PIK3R1: variants seen among roughly 807,000 people sequenced by gnomAD.
PIK3R1 encodes the protein phosphatidylinositol 3-kinase regulatory subunit alpha.
PIK3R1 carries 29 observed loss-of-function variants against 98.0 expected under a neutral mutation model. The observed-to-expected ratio is 0.30, with a 90% CI of 0.22 to 0.40. The LOEUF is 0.40. Ranked by LOEUF, PIK3R1 falls within the 10% of genes least tolerant of loss-of-function variation. The probability of loss-of-function intolerance (pLI) is 1.00; values close to 1 mark genes in which losing one functional copy is unlikely to be tolerated. For missense variants in PIK3R1, 596 were observed against 872.7 expected, an observed-to-expected ratio of 0.68 and a Z score of 3.99; for synonymous variants, 282 against 311.8, an observed-to-expected ratio of 0.90 and a Z score of 1.01.
At chr5:68,262,370 C>G (rs1291106559) in intron 2 of PIK3R1, among the ~76,000 whole-genome samples, 1 of 134,758 alleles carries the variant, frequency 7.4e-6, no homozygotes, top group Non-Finnish European at 1.6e-5. Context: ...CATGACCAGG[C>G]TTCTTTCTAT....
intron 11 of PIK3R1, 73 bp from the exon 12 acceptor site, chr5:68,294,463 T>G (rs1317470426): frequency 6.2e-6 from 7 of 1,120,054 alleles, no homozygotes; most frequent in Non-Finnish European, 8.9e-6. Flanking sequence ...AGATCAAATG[T>G]CCTGGTAGTG....
At chr5:68,295,602 G>A in intron 14 of PIK3R1, 114 bp downstream of exon 14, 1 of 882,098 alleles carries the variant, frequency 1.1e-6, no homozygotes, top group Non-Finnish European at 1.9e-6. Context: ...GGAACATCTT[G>A]TAGGAGAAAA....
At chr5:68,289,735 G>A (rs997432835) in intron 7 of PIK3R1, among the ~76,000 whole-genome samples, 1 of 123,920 alleles carries the variant, frequency 8.1e-6, no homozygotes, top group Non-Finnish European at 1.6e-5. Context: ...CCGGAGTGAG[G>A]CATTTGAGAT....
chr5:68,282,085 C>T (rs1421873540), intron 7 of PIK3R1, among the ~76,000 whole-genome samples: 3 of 152,140 alleles, frequency 2.0e-5, no homozygotes, highest in African/African-American at 4.8e-5. Flanking sequence ...GAGAGGTATC[C>T]GGTATAGTAG....
At chr5:68,252,225 T>G (rs763124206) in intron 2 of PIK3R1, among the ~76,000 whole-genome samples, 1 of 152,186 alleles carries the variant, frequency 6.6e-6, no homozygotes, top group Non-Finnish European at 1.5e-5. Context: ...ACAGGCCCAA[T>G]TTCAGGCAGA....
rs747723877 is a variant in PIK3R1 at position 68,226,923 on chromosome 5, C to T, written c.248C>T (p.Ser83Leu). Residue 83 changes from serine (S) to leucine (L), a missense_variant, in exon 2 of 16, where the codon TCG becomes TTG. Around this residue, in one of 3 missense-constraint regions of PIK3R1, gnomAD observed 352 missense variants for 393.3 expected, o/e 0.90. Transcript: ENST00000521381. ...GAATATATTGGAAGGAAAAAAATCTCGCCTCCCACACCAAAGCCCCGGCCA... is the reference window on the plus strand; with the variant it reads ...GAATATATTGGAAGGAAAAAAATCTTGCCTCCCACACCAAAGCCCCGGCCA... ...YVEYIGRKKI[S>L]PPTPKPRPPR... 5.6e-6 allele frequency: 9 copies of T among 1,613,998 alleles called. No individual in the cohort carries two copies. In the East Asian group the frequency reaches 8.9e-5, roughly 16 times the overall value.
intron 2 of PIK3R1, among the ~76,000 whole-genome samples, chr5:68,269,342 T>G (rs1746254209): frequency 6.6e-6 from 1 of 152,194 alleles, no homozygotes; most frequent in East Asian, 1.9e-4. Flanking sequence ...CCAAAACCCA[T>G]TACTTATTCA....
At chr5:68,272,662 A>G (rs969888888) in intron 2 of PIK3R1, among the ~76,000 whole-genome samples, 1 of 152,254 alleles carries the variant, frequency 6.6e-6, no homozygotes, top group African/African-American at 2.4e-5. Context: ...AAACGCATGC[A>G]AAAAGTTTAC....
intron 2 of PIK3R1, among the ~76,000 whole-genome samples, chr5:68,273,017 T>C (rs1439594271): frequency 6.6e-6 from 1 of 152,166 alleles, no homozygotes; most frequent in Non-Finnish European, 1.5e-5. Context: ...GAGTGTGGTA[T>C]TATGGGGAGA....
chr5:68,286,735 T>C (rs1747094723), intron 7 of PIK3R1, among the ~76,000 whole-genome samples: 1 of 152,202 alleles, frequency 6.6e-6, no homozygotes, highest in Non-Finnish European at 1.5e-5. Context: ...TATTTTCTTC[T>C]GAAACAGAAA....
In PIK3R1 at chr5:68,299,354, C is replaced by G. The variant is rs1009065948; in HGVS notation, c.*1753C>G. ...TGTCACTGCTCTGGACTGTGTGGAGCTCGCTAAAGTCATGGTCATTGCAGG... is the reference window on the plus strand; with the variant it reads ...TGTCACTGCTCTGGACTGTGTGGAGGTCGCTAAAGTCATGGTCATTGCAGG... On this transcript the variant is annotated 3_prime_UTR_variant, in exon 16 of 16. Coordinates refer to ENST00000521381, the MANE Select transcript of PIK3R1 (RefSeq NM_181523.3). 8.6e-6 allele frequency: 2 copies of G among 233,466 alleles called. No homozygotes were observed. Among genetic ancestry groups the G allele is most frequent in the African/African-American group, 4.4e-5 (2 of 45,306 alleles). The allele number at this position is 233,466 out of a possible 1,614,324, so 14.5% of individuals were successfully genotyped here.
chr5:68,272,396 A>T (rs1405007184), intron 2 of PIK3R1, among the ~76,000 whole-genome samples: 1 of 152,166 alleles, frequency 6.6e-6, no homozygotes, highest in Admixed American at 6.5e-5. Context: ...CCTAGAAAAG[A>T]CTGCAAGCAA....
chr5:68,257,016 C>T (rs1745545847), intron 2 of PIK3R1, among the ~76,000 whole-genome samples: 1 of 152,190 alleles, frequency 6.6e-6, no homozygotes, highest in Admixed American at 6.5e-5. Context: ...CCTCAGCCAT[C>T]ACTGTGATAT....
intron 7 of PIK3R1, among the ~76,000 whole-genome samples, chr5:68,287,234 CAG>C (rs1747114382): frequency 6.6e-6 from 1 of 152,060 alleles, no homozygotes; most frequent in African/African-American, 2.4e-5. Flanking sequence ...AAATAGAAAA[CAG>C]AAAAAACCAG....
At chr5:68,243,745 A>C (rs1296664111) in intron 2 of PIK3R1, among the ~76,000 whole-genome samples, 1 of 152,222 alleles carries the variant, frequency 6.6e-6, no homozygotes, top group Non-Finnish European at 1.5e-5. Flanking sequence ...ATTTTGGTGG[A>C]TCACGGGCAG....
intron 2 of PIK3R1, among the ~76,000 whole-genome samples, chr5:68,227,241 G>A (rs1375881910): frequency 6.6e-6 from 1 of 152,212 alleles, no homozygotes; most frequent in Non-Finnish European, 1.5e-5. Flanking sequence ...AACCTGTTTA[G>A]TGAGTGTCGT....
chr5:68,241,646 A>G (rs1056155399), intron 2 of PIK3R1, among the ~76,000 whole-genome samples: 27 of 152,228 alleles, frequency 1.8e-4, no homozygotes, highest in African/African-American at 6.5e-4. Flanking sequence ...GCTTAGAAAG[A>G]AAAAGAAACT....
chr5:68,285,063 C>T (rs941430810), intron 7 of PIK3R1, among the ~76,000 whole-genome samples: 5 of 152,100 alleles, frequency 3.3e-5, no homozygotes, highest in African/African-American at 1.2e-4. Flanking sequence ...TTTCTGTAGG[C>T]AAACCAAGGT....
intron 2 of PIK3R1, among the ~76,000 whole-genome samples, chr5:68,258,879 G>A (rs755250005): frequency 6.6e-6 from 1 of 152,120 alleles, no homozygotes; most frequent in Non-Finnish European, 1.5e-5. Context: ...GCTCAACTTC[G>A]ACTAAATGCC....
Sources: gnomAD v4.1 joint callset for allele counts (sites outside exome capture counted in the v4.1 genomes callset) on GRCh38, gnomAD v4.1.1 for gene constraint, gnomAD v4.1.1 regional missense constraint, MANE v1.5 for transcripts, NCBI Gene and HGNC (gene_info 2026-07-23, HGNC 2026-07-21) for gene names.